MYO15B: variants seen among roughly 807,000 people sequenced by gnomAD.
MYO15B encodes the protein myosin XVB pseudogene.
In MYO15B, 207 loss-of-function variants were observed where a neutral mutation model predicts 119.3. The observed-to-expected ratio is 1.73, with a 90% CI of 1.55 to 1.95. The LOEUF (loss-of-function observed/expected upper bound fraction) is 1.95. Ranked by LOEUF, MYO15B falls within the 30% of genes most tolerant of loss-of-function variation. The probability of loss-of-function intolerance (pLI) is 0.00; values close to 1 mark genes in which losing one functional copy is unlikely to be tolerated. For missense variants in MYO15B, 2,264 were observed against 1,203.1 expected (o/e 1.88, Z -13.04); for synonymous variants, 966 against 498.9 (o/e 1.94, Z -12.48).
intron 12 of MYO15B, 200 bp downstream of exon 12, chr17:75,595,172 G>A (rs2056774000): frequency 1.7e-6 from 1 of 599,216 alleles, no homozygotes; most frequent in Non-Finnish European, 3.0e-6. Context: ...TAAAGGAGTG[G>A]GGCTGCCTCT....
chr17:75,622,192 G>A, intron 53 of MYO15B, 112 bp downstream of exon 53: 2 of 663,116 alleles, frequency 3.0e-6, no homozygotes, highest in Non-Finnish European at 2.8e-6. Flanking sequence ...AGTATTTACT[G>A]AGCACCCATT....
chr17:75,603,292 C>G (rs1311710839), exon 19 of MYO15B: 4 of 703,076 alleles, frequency 5.7e-6, no homozygotes, highest in Non-Finnish European at 1.0e-5. Flanking sequence ...TGCGTGTGCC[C>G]TTTGAGGCCT....
chr17:75,615,839 G>A lies in MYO15B; in HGVS notation c.5985G>A (p.Pro1995=), dbSNP rs79969638. The A allele has an allele frequency of 8.7e-4, 613 of 701,828 alleles. 4 individuals carry two copies. The highest frequency in any genetic ancestry group is 5.7e-3 in the Middle Eastern group (25 of 4,352). The allele number at this position is 701,828 out of a possible 1,614,324, so 43.5% of individuals were successfully genotyped here. Residue 1995 remains proline (P), a synonymous_variant, in exon 36 of 64, where the codon CCG becomes CCA. Coordinates refer to ENST00000645453, the Ensembl canonical transcript of MYO15B. ...AGCCCAGGAAGCCCCCCACACCCCCGGAGAAGCCACAGCGTGACCTGGGAT... is the reference window on the plus strand; with the variant it reads ...AGCCCAGGAAGCCCCCCACACCCCCAGAGAAGCCACAGCGTGACCTGGGAT...
At chr17:75,621,281 T>C in intron 50 of MYO15B, 64 bp from the exon 51 acceptor site, 1 of 666,802 alleles carries the variant, frequency 1.5e-6, no homozygotes, top group Non-Finnish European at 2.8e-6. Flanking sequence ...TCTCCCTGCC[T>C]GGCTGGCTGG....
In MYO15B at chr17:75,619,776, G is replaced by A. The variant is rs186630043; in HGVS notation, c.7278G>A (p.Gln2426=). The A allele has an allele frequency of 2.7e-5, 19 of 702,876 alleles. No homozygotes were observed. In the East Asian group the frequency reaches 4.0e-4, roughly 15 times the overall value. 43.5% of individuals were successfully genotyped at this position (702,876 alleles called of 1,614,324 possible). Residue 2426 remains glutamine (Q), a synonymous_variant, in exon 46 of 64, where the codon CAG becomes CAA. Coordinates refer to ENST00000645453, the Ensembl canonical transcript of MYO15B. The stretch of plus-strand genomic sequence containing the variant: ...AAGGCCCCGGCCTCCGCCCCGACCA[G>A]CTGAAGATTCTCTGCTCATACAGGT...
intron 12 of MYO15B, among the ~76,000 whole-genome samples, chr17:75,595,958 C>G (rs1035277726): frequency 4.6e-5 from 7 of 152,334 alleles, no homozygotes; most frequent in African/African-American, 1.7e-4. Flanking sequence ...TCCTTGTGAC[C>G]GTGCCCTCCC....
At chr17:75,597,598 C>T (rs996071360) in intron 14 of MYO15B, among the ~76,000 whole-genome samples, 7 of 152,170 alleles carry the variant, frequency 4.6e-5, no homozygotes, top group African/African-American at 1.7e-4. Context: ...TCTTACAGCC[C>T]GCAGTGCAGC....
rs2058242554 is a variant in MYO15B, at chr17:75,614,544, G to C, written c.5382-39G>C. 1.0e-5 allele frequency: 7 copies of C among 697,074 alleles called. No individual in the cohort carries two copies. The South Asian group carries it at 1.0e-4, about 10-fold the overall frequency. 43.2% of individuals were successfully genotyped at this position (697,074 alleles called of 1,614,324 possible). A position where few individuals can be genotyped will look rare whatever the true frequency, so the allele number is the denominator to read the frequency against. ...CTTGCCCCAGCCTGGGTGACCCTCA[G>C]CCTTGGCCACCCCCTTAGCTGGATC... On this transcript the variant is annotated intron_variant, in intron 30 of 63. Transcript: ENST00000645453.
intron 25 of MYO15B, among the ~76,000 whole-genome samples, chr17:75,612,262 C>T (rs946438462): frequency 1.6e-4 from 25 of 152,326 alleles, no homozygotes; most frequent in African/African-American, 5.1e-4. Flanking sequence ...TCCACGATGC[C>T]ACACCTTTGT....
intron 53 of MYO15B, 112 bp from the exon 54 acceptor site, chr17:75,623,669 G>A (rs1323158787): frequency 3.0e-6 from 2 of 656,026 alleles, no homozygotes; most frequent in African/African-American, 3.6e-5. Flanking sequence ...TAAGCTGAGA[G>A]AGACATCTTG....
At position 75,588,980 on chromosome 17, in the gene MYO15B, T is replaced by TG. The variant is rs1260424562; in HGVS notation, c.927dup (p.Gln310AlafsTer122). ...CCGCGCCACCAGGTCGGAAAGGCGGTGGGGCAGGTGCCAGCGGCGGCAGGC... is the reference window on the plus strand; with the variant it reads ...CCGCGCCACCAGGTCGGAAAGGCGGTGGGGGCAGGTGCCAGCGGCGGCAGGC... On this transcript the variant is annotated frameshift_variant, in exon 1 of 64. Coordinates refer to ENST00000645453, the Ensembl canonical transcript of MYO15B. LOFTEE classifies it high-confidence loss of function. 2.5e-6 allele frequency: 1 copy of TG among 397,868 alleles called. No homozygotes were observed. The highest frequency in any genetic ancestry group is 2.1e-5 in the African/African-American group (1 of 48,570). 24.6% of individuals were successfully genotyped at this position (397,868 alleles called of 1,614,324 possible). A position where few individuals can be genotyped will look rare whatever the true frequency, so the allele number is the denominator to read the frequency against.
At chr17:75,609,485 ATTTTTTT>A (rs749247022) in intron 21 of MYO15B, among the ~76,000 whole-genome samples, 19 of 78,002 alleles carry the variant, frequency 2.4e-4, no homozygotes, top group Middle Eastern at 8.6e-3. Flanking sequence ...AAGGGAAATG[ATTTTTTT>A]TTTTTTTTTT....
intron 14 of MYO15B, among the ~76,000 whole-genome samples, chr17:75,600,110 T>G (rs1180801222): frequency 6.9e-6 from 1 of 145,218 alleles, no homozygotes; most frequent in Non-Finnish European, 1.5e-5. Flanking sequence ...TGCTGCAAAC[T>G]CCGCCTCTCG....
intron 63 of MYO15B, 71 bp downstream of exon 63, chr17:75,626,299 G>A: frequency 2.9e-6 from 2 of 698,492 alleles, no homozygotes; most frequent in Non-Finnish European, 5.2e-6. Flanking sequence ...GGCGTGCAGT[G>A]GGAGCCCAGG....
At chr17:75,595,932 C>T (rs1213717349) in intron 12 of MYO15B, among the ~76,000 whole-genome samples, 1 of 152,228 alleles carries the variant, frequency 6.6e-6, no homozygotes, top group East Asian at 1.9e-4. Flanking sequence ...CCTGTTCTGT[C>T]CCACAATCCA....
At chr17:75,613,595 C>A in intron 28 of MYO15B, 110 bp from the exon 29 acceptor site, 2 of 646,692 alleles carry the variant, frequency 3.1e-6, no homozygotes, top group South Asian at 1.7e-5. Context: ...GACCCTGATC[C>A]CCCTCCCCTC....
At chr17:75,607,048 T>C in intron 21 of MYO15B, 1 of 398,300 alleles carries the variant, frequency 2.5e-6, no homozygotes, top group Non-Finnish European at 4.4e-6. Context: ...CCAGGCTGGT[T>C]GGGAAGTCAG....
chr17:75,626,141 C>A (rs1258010706), exon 63 of MYO15B: 23 of 702,976 alleles, frequency 3.3e-5, no homozygotes, highest in Non-Finnish European at 6.0e-5. Context: ...ACCTGCTAAG[C>A]CCTCTGGAGG....
chr17:75,598,178 G>A (rs1400826495), intron 14 of MYO15B, among the ~76,000 whole-genome samples: 1 of 151,008 alleles, frequency 6.6e-6, no homozygotes, highest in Admixed American at 6.7e-5. Flanking sequence ...TGAGGCAGGA[G>A]AATCGCTTGA....
Sources: gnomAD v4.1 joint callset for allele counts (sites outside exome capture counted in the v4.1 genomes callset) on GRCh38, gnomAD v4.1.1 for gene constraint, MANE v1.5 for transcripts, NCBI Gene and HGNC (gene_info 2026-07-23, HGNC 2026-07-21) for gene names.